Variants in CSMD3 observed in about 807,000 individuals in gnomAD.
CSMD3 encodes the protein CUB and sushi domain-containing protein 3.
CSMD3 carries 177 observed loss-of-function variants against 435.2 expected under a neutral mutation model. The observed-to-expected ratio is 0.41, with a 90% CI of 0.36 to 0.46. The LOEUF (loss-of-function observed/expected upper bound fraction) is 0.46, where lower values mean the gene tolerates loss of function less well. Among genes scored for constraint, CSMD3 ranks in the 20% least tolerant of loss-of-function variants. CSMD3 has a pLI of 0.34. For missense variants in CSMD3, 4,265 were observed against 4,504.6 expected (o/e 0.95, Z 1.52); for synonymous variants, 1,656 against 1,520.5 (o/e 1.09, Z -2.07).
intron 1 of CSMD3, among the ~76,000 whole-genome samples, chr8:113,325,813 A>G (rs1034155241): frequency 1.3e-5 from 2 of 151,944 alleles, no homozygotes; most frequent in Non-Finnish European, 2.9e-5. Flanking sequence ...CATAATTCCA[A>G]TGTAGATCTT....
At chr8:112,672,062 T>G (rs1213388476) in intron 16 of CSMD3, among the ~76,000 whole-genome samples, 2 of 152,090 alleles carry the variant, frequency 1.3e-5, no homozygotes, top group Admixed American at 1.3e-4. Flanking sequence ...CAAGGAAGAT[T>G]GATACAGTTA....
chr8:112,882,129 T>C (rs1310840778), intron 10 of CSMD3, among the ~76,000 whole-genome samples: 2 of 151,868 alleles, frequency 1.3e-5, no homozygotes, highest in African/African-American at 4.8e-5. Context: ...CATTCAGAGC[T>C]ATACAGATGT....
At chr8:113,329,786 G>A (rs1015118193) in intron 1 of CSMD3, among the ~76,000 whole-genome samples, 1 of 151,942 alleles carries the variant, frequency 6.6e-6, no homozygotes, top group African/African-American at 2.4e-5. Context: ...AAAAGTTGTA[G>A]AATTACATGT....
chr8:112,394,350 T>C (rs1175157944), intron 35 of CSMD3, among the ~76,000 whole-genome samples: 2 of 151,892 alleles, frequency 1.3e-5, no homozygotes, highest in African/African-American at 4.8e-5. Flanking sequence ...TAATCAGTCA[T>C]ATTGGTTCTA....
chr8:112,254,374 A>T (rs1815588655), intron 62 of CSMD3, 48 bp from the exon 63 acceptor site: 1 of 1,246,284 alleles, frequency 8.0e-7, no homozygotes, highest in Admixed American at 1.7e-5. Flanking sequence ...TTTACAATAG[A>T]TATAGTTCTC....
At chr8:112,646,479 C>G (rs750032801) in intron 19 of CSMD3, among the ~76,000 whole-genome samples, 3 of 152,088 alleles carry the variant, frequency 2.0e-5, no homozygotes, top group Non-Finnish European at 2.9e-5. Flanking sequence ...AATAAAGACA[C>G]TTTGTCAAGT....
At chr8:112,480,637 T>C (rs750793755) in intron 31 of CSMD3, among the ~76,000 whole-genome samples, 1 of 152,126 alleles carries the variant, frequency 6.6e-6, no homozygotes, top group African/African-American at 2.4e-5. Context: ...CTCTCTCTCT[T>C]GCTTCCTCTC....
intron 18 of CSMD3, among the ~76,000 whole-genome samples, chr8:112,655,499 T>A (rs1380445368): frequency 2.0e-5 from 3 of 152,016 alleles, no homozygotes; most frequent in African/African-American, 7.2e-5. Flanking sequence ...AAAAAGCCCA[T>A]TTCTGTGTTC....
At chr8:112,786,026 T>C (rs2078529624) in intron 13 of CSMD3, among the ~76,000 whole-genome samples, 1 of 152,044 alleles carries the variant, frequency 6.6e-6, no homozygotes, top group South Asian at 2.1e-4. Flanking sequence ...GACTTCAAAT[T>C]ATACTACAGA....
chr8:113,378,116 ACAT>A (rs1233654128), intron 1 of CSMD3, among the ~76,000 whole-genome samples: 2 of 152,172 alleles, frequency 1.3e-5, no homozygotes, highest in Non-Finnish European at 2.9e-5. Flanking sequence ...TAGACAGAAA[ACAT>A]CATTTTCTAC....
intron 31 of CSMD3, among the ~76,000 whole-genome samples, chr8:112,490,551 T>A (rs1411887520): frequency 6.6e-6 from 1 of 152,172 alleles, no homozygotes; most frequent in East Asian, 1.9e-4. Flanking sequence ...TTTTCACCTG[T>A]CATTGAAAGC....
At chr8:113,038,547 T>C (rs1323203990) in intron 5 of CSMD3, among the ~76,000 whole-genome samples, 1 of 152,158 alleles carries the variant, frequency 6.6e-6, no homozygotes, top group African/African-American at 2.4e-5. Flanking sequence ...GACTGAGGAA[T>C]CAAGGGGTAC....
intron 16 of CSMD3, among the ~76,000 whole-genome samples, chr8:112,678,744 T>C (rs1430123744): frequency 6.6e-6 from 1 of 152,092 alleles, no homozygotes; most frequent in Non-Finnish European, 1.5e-5. Context: ...AATTTGATTT[T>C]GAAGAAAATA....
intron 32 of CSMD3, among the ~76,000 whole-genome samples, chr8:112,459,228 A>G (rs543912823): frequency 1.3e-5 from 2 of 151,688 alleles, no homozygotes; most frequent in Non-Finnish European, 2.9e-5. Context: ...TGCAGTTTTC[A>G]CTCATCTCCC....
intron 1 of CSMD3, among the ~76,000 whole-genome samples, chr8:113,385,303 T>C (rs1348467794): frequency 1.3e-5 from 2 of 151,844 alleles, no homozygotes; most frequent in African/African-American, 2.4e-5. Flanking sequence ...ATAAGAAAAA[T>C]AAATGAGCAT....
chr8:112,718,686 A>G (rs2076789821), intron 13 of CSMD3, among the ~76,000 whole-genome samples: 1 of 151,986 alleles, frequency 6.6e-6, no homozygotes, highest in Admixed American at 6.6e-5. Flanking sequence ...TAAGGTGTCT[A>G]TCCTTGGACT....
chr8:113,350,710 T>A (rs1023385008), intron 1 of CSMD3, among the ~76,000 whole-genome samples: 2 of 152,112 alleles, frequency 1.3e-5, no homozygotes, highest in African/African-American at 4.8e-5. Context: ...TTCTAAAATG[T>A]AGATAGAATC....
intron 3 of CSMD3, among the ~76,000 whole-genome samples, chr8:113,276,282 G>C (rs1042843327): frequency 7.9e-5 from 12 of 152,106 alleles, no homozygotes; most frequent in African/African-American, 1.7e-4. Context: ...TTAGCCAGAT[G>C]GGCCCAAGCC....
chr8:112,790,574 A>G (rs1189440089), intron 13 of CSMD3, among the ~76,000 whole-genome samples: 1 of 152,138 alleles, frequency 6.6e-6, no homozygotes, highest in Non-Finnish European at 1.5e-5. Flanking sequence ...TGCAATTTTC[A>G]GCCCTTTGTT....
Sources: gnomAD v4.1 joint callset for allele counts (sites outside exome capture counted in the v4.1 genomes callset) on GRCh38, gnomAD v4.1.1 for gene constraint, MANE v1.5 for transcripts, NCBI Gene and HGNC (gene_info 2026-07-23, HGNC 2026-07-21) for gene names.